Variants in NWD1 observed in about 807,000 individuals in gnomAD.
The protein encoded by NWD1 is NACHT domain- and WD repeat-containing protein 1.
Under a neutral mutation model 135.1 loss-of-function variants are expected in NWD1, and 129 were observed. That is an observed-to-expected ratio of 0.96 (90% CI 0.83 to 1.11). The LOEUF is 1.11. Ranked by LOEUF, NWD1 falls within the 50% of genes least tolerant of loss-of-function variation. The pLI is 0.00. For synonymous variants in NWD1, 773 were observed against 786.0 expected, an observed-to-expected ratio of 0.98 and a Z score of 0.28; for missense variants, 1,740 against 1,851.3, an observed-to-expected ratio of 0.94 and a Z score of 1.10.
intron 3 of NWD1, among the ~76,000 whole-genome samples, chr19:16,735,557 A>C (rs35862513): frequency 0.03 from 4,574 of 151,534 alleles, 106 homozygotes; most frequent in South Asian, 0.052. Context: ...GTCTGGGGGC[A>C]GTGGCTCATG....
Position 16,750,299 on chromosome 19 carries a change from G to A in NWD1, c.1657G>A (p.Val553Ile), listed in dbSNP as rs1301910802. The A allele has an allele frequency of 4.3e-6, 7 of 1,613,614 alleles. No homozygotes were observed. In the South Asian group the frequency reaches 7.7e-5, roughly 18 times the overall value. Residue 553 changes from valine (V) to isoleucine (I), a missense_variant, in exon 6 of 19, where the codon GTC becomes ATC. Coordinates refer to ENST00000524140, the MANE Select transcript of NWD1 (RefSeq NM_001007525.5). ...ARKWASFTVP[V>I]PLATTAEEAT... is the part of the protein sequence containing the mutation. The stretch of plus-strand genomic sequence containing the variant: ...GAAATGGGCCTCTTTCACCGTGCCT[G>A]TCCCGCTGGCCACCACCGCAGAGGA...
rs575310279 is a variant in NWD1 at position 16,762,043 on chromosome 19, G to T, written c.2038G>T (p.Val680Phe). The change falls in exon 8 of 19, where the codon GTC becomes TTC. Residue 680 changes from valine (V) to phenylalanine (F), a missense_variant. Val to Phe is a conservative substitution (Grantham distance 50). Transcript: ENST00000524140. Reference protein sequence around the residue: ...SGSERAKRHGVLADFFSGTWS... With the variant: ...SGSERAKRHGFLADFFSGTWS... ...ATCCGAGAGAGCCAAGAGGCATGGCGTCCTGGCCGACTTCTTCTCAGGGAC... is the reference window on the plus strand; with the variant it reads ...ATCCGAGAGAGCCAAGAGGCATGGCTTCCTGGCCGACTTCTTCTCAGGGAC... 1 of 1,613,936 alleles carries T rather than the reference G, an allele frequency of 6.2e-7. No homozygotes were observed. The highest frequency in any genetic ancestry group is 2.2e-5 in the East Asian group (1 of 44,882).
intron 7 of NWD1, among the ~76,000 whole-genome samples, chr19:16,760,853 G>A (rs1468491483): frequency 6.6e-6 from 1 of 152,210 alleles, no homozygotes; most frequent in South Asian, 2.1e-4. Flanking sequence ...GCCTCCCAAA[G>A]TGCTGGGGTT....
intron 1 of NWD1, among the ~76,000 whole-genome samples, chr19:16,722,330 C>T (rs981414142): frequency 6.6e-6 from 1 of 150,648 alleles, no homozygotes; most frequent in Non-Finnish European, 1.5e-5. Flanking sequence ...GCTCTGTCAC[C>T]CAGGATGGAG....
rs760349128 is a variant in NWD1 at position 16,773,140 on chromosome 19, T to C, written c.2425T>C (p.Tyr809His). 1 of 1,613,904 alleles carries C rather than the reference T, an allele frequency of 6.2e-7. No individual in the cohort carries two copies. Among genetic ancestry groups the C allele is most frequent in the Non-Finnish European group, 8.5e-7 (1 of 1,180,008 alleles). ...ELRGMERSLL[Y>H]TELLARLHFF... ...CTTTGTTGCAGAGAGGAGCCTCCTGTACACAGAACTGCTGGCCAGACTCCA... is the reference window on the plus strand; with the variant it reads ...CTTTGTTGCAGAGAGGAGCCTCCTGCACACAGAACTGCTGGCCAGACTCCA... Residue 809 changes from tyrosine (Y) to histidine (H), a missense_variant, in exon 11 of 19, where the codon TAC (tyrosine) becomes CAC (histidine). Tyr to His is a moderately conservative substitution (Grantham distance 83). Transcript: ENST00000524140.
intron 13 of NWD1, among the ~76,000 whole-genome samples, chr19:16,789,559 G>A (rs1970171010): frequency 6.6e-6 from 1 of 151,744 alleles, no homozygotes; most frequent in Non-Finnish European, 1.5e-5. Flanking sequence ...TTGATCCATG[G>A]GCTATTTAAA....
rs1339160232 is a variant in NWD1, at chr19:16,749,136, C to G, written c.497-3C>G. ...TTCCTTCCCACCTTCCCCACTTTGG[C>G]AGTCATTGAGTGGGAGATAGAGCGG... On this transcript the variant is annotated splice_region_variant and splice_polypyrimidine_tract_variant and intron_variant, in intron 5 of 18. Coordinates refer to ENST00000524140, the MANE Select transcript of NWD1 (RefSeq NM_001007525.5). The G allele has an allele frequency of 6.3e-7, 1 of 1,582,694 alleles. No homozygotes were observed. Among genetic ancestry groups the G allele is most frequent in the South Asian group, 1.1e-5 (1 of 87,344 alleles).
intron 10 of NWD1, among the ~76,000 whole-genome samples, chr19:16,771,199 C>T (rs1190350700): frequency 1.3e-5 from 2 of 152,064 alleles, no homozygotes; most frequent in Non-Finnish European, 1.5e-5. Context: ...CGCCTGTAAC[C>T]CCAATACTTT....
At chr19:16,783,108 T>G (rs1969917583) in intron 12 of NWD1, among the ~76,000 whole-genome samples, 1 of 150,714 alleles carries the variant, frequency 6.6e-6, no homozygotes, top group African/African-American at 2.4e-5. Context: ...CATAGTACAC[T>G]ACAATCTTGA....
chr19:16,733,747 C>T (rs1389093515), intron 3 of NWD1, among the ~76,000 whole-genome samples: 1 of 152,120 alleles, frequency 6.6e-6, no homozygotes, highest in African/African-American at 2.4e-5. Context: ...AATGCCCATG[C>T]CCGTCCTCTG....
chr19:16,721,329 G>A (rs560546934), intron 1 of NWD1: 2 of 152,166 alleles, frequency 1.3e-5, no homozygotes, highest in Non-Finnish European at 2.9e-5. Context: ...GTCTGGGAGA[G>A]AGACTAGGAA....
At chr19:16,784,853 C>T (rs776144612) in intron 12 of NWD1, among the ~76,000 whole-genome samples, 22 of 150,110 alleles carry the variant, frequency 1.5e-4, no homozygotes, top group Admixed American at 2.6e-4. Context: ...CACTTGAACC[C>T]GGGGGGCGGA....
intron 12 of NWD1, among the ~76,000 whole-genome samples, chr19:16,788,208 C>A (rs1970115294): frequency 7.1e-6 from 1 of 141,672 alleles, no homozygotes. Context: ...CCAGCCTGGG[C>A]AACAAGAGCA....
intron 18 of NWD1, among the ~76,000 whole-genome samples, chr19:16,811,325 T>A (rs949183151): frequency 3.3e-5 from 5 of 152,170 alleles, no homozygotes; most frequent in Non-Finnish European, 5.9e-5. Context: ...GGCTCATGCC[T>A]GTAATCCTAG....
chr19:16,744,951 C>A, intron 5 of NWD1: 1 of 647,164 alleles, frequency 1.5e-6, no homozygotes, highest in Admixed American at 2.2e-5. Context: ...GCTCTTTCTT[C>A]TTGTCTCCCA....
At chr19:16,804,514 G>A (rs1159518998) in intron 17 of NWD1, among the ~76,000 whole-genome samples, 1 of 151,804 alleles carries the variant, frequency 6.6e-6, no homozygotes, top group East Asian at 1.9e-4. Flanking sequence ...AGGATTGCTT[G>A]AGCCGTGGAG....
chr19:16,775,196 T>C (rs1440140003), intron 11 of NWD1, among the ~76,000 whole-genome samples: 1 of 151,744 alleles, frequency 6.6e-6, no homozygotes. Context: ...CATGGAGGAG[T>C]TGATTTAGGG....
At position 16,815,052 on chromosome 19, in the gene NWD1, T is replaced by C. The variant is rs770978643; in HGVS notation, c.*13T>C. 19 of 1,613,822 alleles carry C rather than the reference T, an allele frequency of 1.2e-5. No individual in the cohort carries two copies. The highest frequency in any genetic ancestry group is 6.7e-5 in the African/African-American group (5 of 74,924). On this transcript the variant is annotated 3_prime_UTR_variant, in exon 19 of 19. Transcript: ENST00000524140. ...GGCACCCTGCTGACAGTCCAGTTTG[T>C]CCATGCTGTGGTAAACAGAATCATC...
intron 7 of NWD1, among the ~76,000 whole-genome samples, chr19:16,761,722 G>A (rs1490893721): frequency 1.3e-5 from 2 of 152,106 alleles, no homozygotes; most frequent in African/African-American, 2.4e-5. Flanking sequence ...GGGTCAGGTG[G>A]TAAGTTATTT....
Sources: allele counts gnomAD v4.1 joint callset (sites outside exome capture counted in the v4.1 genomes callset), GRCh38; gene constraint gnomAD v4.1.1; transcripts MANE v1.5; gene names NCBI Gene and HGNC (gene_info 2026-07-23, HGNC 2026-07-21).